VPS13B: variants seen among roughly 807,000 people sequenced by gnomAD.
The protein encoded by VPS13B is vacuolar protein sorting 13 homolog B.
A neutral mutation model predicts 426.4 loss-of-function variants in VPS13B; 285 were observed. The ratio of observed to expected loss-of-function variants is 0.67; its 90% confidence interval spans 0.61 to 0.74. The LOEUF (loss-of-function observed/expected upper bound fraction) is 0.74, where lower values mean the gene tolerates loss of function less well. VPS13B is among the 30% of genes least tolerant of loss of function. VPS13B has a pLI of 0.00. For synonymous variants in VPS13B, 1,676 were observed against 1,676.4 expected (o/e 1.00, Z 0.01); for missense variants, 4,537 against 4,782.6 (o/e 0.95, Z 1.51).
chr8:99,136,724 G>C lies in VPS13B; in HGVS notation c.1623G>C (p.Leu541=), dbSNP rs1193051483. 1 of 1,613,454 alleles carries C rather than the reference G, an allele frequency of 6.2e-7. No individual in the cohort carries two copies. The highest frequency in any genetic ancestry group is 8.5e-7 in the Non-Finnish European group (1 of 1,179,652). The change falls in exon 12 of 62, where the codon CTG becomes CTC. Residue 541 remains leucine, a synonymous_variant. Transcript: ENST00000357162. The part of the protein sequence containing the change: ...QRFGAFYMDY[L]YTMENTSGKG... ...TTGGGGCTTTTTATATGGATTACCT[G>C]TATACAATGGAGAACACTAGTGGCA...
At chr8:99,718,560 C>A (rs1483903335) in intron 37 of VPS13B, among the ~76,000 whole-genome samples, 1 of 152,010 alleles carries the variant, frequency 6.6e-6, no homozygotes, top group Non-Finnish European at 1.5e-5. Flanking sequence ...CTTGATGCCA[C>A]TCTAAACTTG....
chr8:99,253,333 C>G (rs1817597847), intron 17 of VPS13B, among the ~76,000 whole-genome samples: 1 of 151,924 alleles, frequency 6.6e-6, no homozygotes. Context: ...CATATATGTT[C>G]AGTTCTCTTG....
At chr8:99,442,657 C>G in intron 23 of VPS13B, 22 bp downstream of exon 23, 1 of 1,605,566 alleles carries the variant, frequency 6.2e-7, no homozygotes. Flanking sequence ...CATTTTTTTC[C>G]TATGGTTAAT....
At chr8:99,507,257 C>A in intron 28 of VPS13B, 54 bp downstream of exon 28, 4 of 1,557,922 alleles carry the variant, frequency 2.6e-6, no homozygotes, top group Non-Finnish European at 2.7e-6. Flanking sequence ...AACTGTTTAT[C>A]TTGTTATTTC....
At chr8:99,336,896 C>T (rs368593641) in intron 19 of VPS13B, among the ~76,000 whole-genome samples, 9 of 151,904 alleles carry the variant, frequency 5.9e-5, no homozygotes, top group Admixed American at 5.3e-4. Context: ...GAAATAGGAA[C>T]ACTTTTACAC....
chr8:99,429,293 A>G (rs1306923418), intron 21 of VPS13B, among the ~76,000 whole-genome samples: 2 of 152,158 alleles, frequency 1.3e-5, no homozygotes, highest in African/African-American at 2.4e-5. Context: ...CCAAAAAAAA[A>G]AAAAAGAAAA....
In VPS13B at chr8:99,823,850, T is replaced by C; in HGVS notation, c.9202T>C (p.Ser3068Pro). 6.2e-7 allele frequency: 1 copy of C among 1,613,698 alleles called. No individual in the cohort carries two copies. Among genetic ancestry groups the C allele is most frequent in the Non-Finnish European group, 8.5e-7 (1 of 1,179,874 alleles). Reference sequence around the variant, plus strand: ...CTTGTAGTTATGTCAGTTCTGCATTTCCTCCATGGTACAGCAAGGTATACA... The same window carrying C: ...CTTGTAGTTATGTCAGTTCTGCATTCCCTCCATGGTACAGCAAGGTATACA... Reference protein sequence around the residue: ...GHQKLCQFCISSMVQQGIQII... With the variant: ...GHQKLCQFCIPSMVQQGIQII... The change falls in exon 51 of 62, where the codon TCC becomes CCC. Residue 3068 changes from serine to proline, a missense_variant. Physicochemically the swap from Ser to Pro is moderately conservative, Grantham distance 74 (BLOSUM62 -1). This residue lies in a region of VPS13B where 4,311 missense variants were observed against 4,474.3 expected (regional missense o/e 0.96). Coordinates refer to ENST00000357162, the MANE Select transcript of VPS13B (RefSeq NM_152564.5).
chr8:99,657,845 A>G (rs1381696801), intron 34 of VPS13B, among the ~76,000 whole-genome samples: 1 of 152,178 alleles, frequency 6.6e-6, no homozygotes, highest in African/African-American at 2.4e-5. Context: ...TATAATTTTG[A>G]TAAACTTTCA....
intron 3 of VPS13B, among the ~76,000 whole-genome samples, chr8:99,085,615 T>G (rs1013423673): frequency 1.3e-5 from 2 of 152,216 alleles, no homozygotes; most frequent in Non-Finnish European, 2.9e-5. Context: ...TGTTTAGTGC[T>G]TCCTTCAGGA....
At position 99,511,485 on chromosome 8, in the gene VPS13B, A is replaced by C. The variant is rs1482605142; in HGVS notation, c.4606A>C (p.Thr1536Pro). Residue 1536 changes from threonine (T) to proline (P), a missense_variant, in exon 29 of 62, where the codon ACA becomes CCA. This residue lies in a region of VPS13B where 4,311 missense variants were observed against 4,474.3 expected (regional missense o/e 0.96). Coordinates refer to ENST00000357162, the MANE Select transcript of VPS13B (RefSeq NM_152564.5). ...TSVIRIFIPK[T>P]EEMQPTVEAN... ...TGTAATCAGAATTTTTATTCCAAAAACAGAAGAAATGCAGCCAACTGTTGA... is the reference window on the plus strand; with the variant it reads ...TGTAATCAGAATTTTTATTCCAAAACCAGAAGAAATGCAGCCAACTGTTGA... The C allele has an allele frequency of 6.2e-7, 1 of 1,612,184 alleles. No homozygotes were observed. The highest frequency in any genetic ancestry group is 1.7e-5 in the Admixed American group (1 of 59,764).
At chr8:99,811,094 C>G (rs1813673305) in intron 44 of VPS13B, among the ~76,000 whole-genome samples, 1 of 152,098 alleles carries the variant, frequency 6.6e-6, no homozygotes, top group South Asian at 2.1e-4. Flanking sequence ...AATGTCTTAC[C>G]CACCTTCCCA....
At chr8:99,737,357 G>T (rs3099852) in intron 39 of VPS13B, among the ~76,000 whole-genome samples, 151,784 of 151,784 alleles carry the variant, frequency 1, 75,892 homozygotes, top group Non-Finnish European at 1. Flanking sequence ...CCTGACCTCG[G>T]GATCCGCCTG....
rs1170658793 is a variant in VPS13B at position 99,656,523 on chromosome 8, G to C, written c.5909-4831G>C. On this transcript the variant is annotated intron_variant, in intron 34 of 61. Transcript: ENST00000357162. ...CTTAGTTTATCTGGTACATTCCCCA[G>C]TGTGTTGACCCTGAAGAATGTGTAA... Among the ~76,000 whole-genome samples, 5 of 152,106 alleles carry C rather than the reference G, an allele frequency of 3.3e-5. No homozygotes were observed. In the East Asian group the frequency reaches 9.7e-4, roughly 29 times the overall value.
chr8:99,445,386 G>A (rs1219610500), intron 23 of VPS13B, among the ~76,000 whole-genome samples: 1 of 149,946 alleles, frequency 6.7e-6, no homozygotes, highest in African/African-American at 2.4e-5. Flanking sequence ...GATTGCTGGA[G>A]TCCAGGAGTT....
intron 19 of VPS13B, among the ~76,000 whole-genome samples, chr8:99,367,077 T>C (rs1812930882): frequency 6.6e-6 from 1 of 152,242 alleles, no homozygotes; most frequent in African/African-American, 2.4e-5. Context: ...TTTTTCTGTG[T>C]GCTTACTATT....
intron 19 of VPS13B, among the ~76,000 whole-genome samples, chr8:99,280,919 G>T (rs1819138922): frequency 6.6e-6 from 1 of 151,742 alleles, no homozygotes; most frequent in Non-Finnish European, 1.5e-5. Flanking sequence ...TACTGCTATG[G>T]TTGATCATAC....
intron 15 of VPS13B, among the ~76,000 whole-genome samples, chr8:99,166,931 C>T (rs971525998): frequency 6.6e-6 from 1 of 152,110 alleles, no homozygotes; most frequent in African/African-American, 2.4e-5. Context: ...GTTTATTTTT[C>T]TTTAAGAATA....
At position 99,320,412 on chromosome 8, in the gene VPS13B, A is replaced by G. The variant is rs72672362; in HGVS notation, c.2824+45158A>G. ...ATCAGTAATTTCTTCCTCTTCTTCA[A>G]TTTTCTTTTTACTCTTCCTGTGATT... On this transcript the variant is annotated intron_variant, in intron 19 of 61. Coordinates refer to ENST00000357162, the MANE Select transcript of VPS13B (RefSeq NM_152564.5). 6.9e-3 allele frequency among the ~76,000 whole-genome samples: 1,053 copies of G among 151,990 alleles called. 7 individuals are homozygous for G. Among genetic ancestry groups the G allele is most frequent in the Non-Finnish European group, 0.012 (804 of 67,940 alleles).
chr8:99,583,267 G>A (rs924577790), intron 33 of VPS13B, among the ~76,000 whole-genome samples: 1 of 152,004 alleles, frequency 6.6e-6, no homozygotes, highest in African/African-American at 2.4e-5. Flanking sequence ...AAAATCTAGG[G>A]AACAATAAAA....
Sources: allele counts gnomAD v4.1 joint callset (sites outside exome capture counted in the v4.1 genomes callset), GRCh38; gene constraint gnomAD v4.1.1; regional missense constraint gnomAD v4.1.1; transcripts MANE v1.5; gene names NCBI Gene and HGNC (gene_info 2026-07-23, HGNC 2026-07-21).